The following ZFHX3 variants were observed in gnomAD, a reference collection of about 807,000 sequenced individuals.
The protein encoded by ZFHX3 is zinc finger homeobox 3.
Under a neutral mutation model 279.1 loss-of-function variants are expected in ZFHX3, and 42 were observed. That is an observed-to-expected ratio of 0.15 (90% confidence interval 0.12 to 0.19). ZFHX3 has a LOEUF of 0.19. Among genes scored for constraint, ZFHX3 ranks in the 10% least tolerant of loss-of-function variants. ZFHX3 has a pLI of 1.00. For synonymous variants in ZFHX3, 2,293 were observed against 1,957.8 expected, an observed-to-expected ratio of 1.17 and a Z score of -4.52; for missense variants, 4,981 against 4,754.0, an observed-to-expected ratio of 1.05 and a Z score of -1.40.
At chr16:73,627,674 T>C (rs1008855903) in intron 2 of ZFHX3, among the ~76,000 whole-genome samples, 2 of 152,174 alleles carry the variant, frequency 1.3e-5, no homozygotes, top group African/African-American at 4.8e-5. Flanking sequence ...ATCCCAGCAC[T>C]ATGGGAGGCC....
intron 3 of ZFHX3, among the ~76,000 whole-genome samples, chr16:73,382,251 A>G (rs1236414947): frequency 1.3e-5 from 2 of 152,254 alleles, no homozygotes; most frequent in African/African-American, 4.8e-5. Context: ...TTCAGAAGCC[A>G]TAAAAGAAAA....
At chr16:73,258,705 T>C (rs899311478) in intron 4 of ZFHX3, among the ~76,000 whole-genome samples, 4 of 152,190 alleles carry the variant, frequency 2.6e-5, no homozygotes, top group African/African-American at 9.6e-5. Flanking sequence ...TAAAGACCTA[T>C]ATATTTAGAA....
chr16:73,734,224 G>A (rs2053591372), intron 1 of ZFHX3, among the ~76,000 whole-genome samples: 1 of 152,112 alleles, frequency 6.6e-6, no homozygotes, highest in Non-Finnish European at 1.5e-5. Flanking sequence ...TTCCTAATAG[G>A]CCATGGACTA....
intron 8 of ZFHX3, among the ~76,000 whole-genome samples, chr16:73,086,970 A>T (rs1966017753): frequency 6.6e-6 from 1 of 152,138 alleles, no homozygotes; most frequent in Non-Finnish European, 1.5e-5. Context: ...AAGAACTGGA[A>T]TGCTCCCAAC....
chr16:73,493,341 A>G (rs1437060739), intron 2 of ZFHX3, among the ~76,000 whole-genome samples: 1 of 152,180 alleles, frequency 6.6e-6, no homozygotes, highest in African/African-American at 2.4e-5. Flanking sequence ...TTTTTTTTCC[A>G]GAAACTTCCA....
chr16:73,023,276 C>T (rs1332542399), intron 1 of ZFHX3, among the ~76,000 whole-genome samples: 1 of 152,178 alleles, frequency 6.6e-6, no homozygotes, highest in Non-Finnish European at 1.5e-5. Flanking sequence ...GAACAAAACA[C>T]ATCTACAGGC....
In ZFHX3 at chr16:72,793,833, C is replaced by T. The variant is rs1241554729; in HGVS notation, c.8849G>A (p.Arg2950His). 2 of 1,614,104 alleles carry T rather than the reference C, an allele frequency of 1.2e-6. No homozygotes were observed. Among genetic ancestry groups the T allele is most frequent in the South Asian group, 1.1e-5 (1 of 91,072 alleles). Residue 2950 changes from arginine (R) to histidine (H), a missense_variant, in exon 9 of 10, where the codon CGC (arginine) becomes CAC (histidine). Arg to His is a conservative substitution (Grantham distance 29, BLOSUM62 0). Coordinates refer to ENST00000268489, the MANE Select transcript of ZFHX3 (RefSeq NM_006885.4). This position sits in a 1 kb window ranked among gnomAD's most constrained non-coding sequence, Gnocchi z 4.3. Reference protein sequence around the residue: ...SGDRPGQKRFRTQMTNLQLKV... With the variant: ...SGDRPGQKRFHTQMTNLQLKV... ...CAGCTGCAGATTGGTCATTTGAGTG[C>T]GAAAACGTTTCTGCCCAGGCCGATC...
At chr16:73,395,752 G>C (rs796879726) in intron 3 of ZFHX3, among the ~76,000 whole-genome samples, 13 of 152,080 alleles carry the variant, frequency 8.5e-5, no homozygotes, top group African/African-American at 3.1e-4. Context: ...CTATAGACTT[G>C]AACCTCACCA....
chr16:73,849,046 T>G (rs75651469), intron 1 of ZFHX3, among the ~76,000 whole-genome samples: 1 of 152,372 alleles, frequency 6.6e-6, no homozygotes, highest in African/African-American at 2.4e-5. Context: ...AACTGCTGGA[T>G]GTACTCTAGC....
At chr16:73,354,429 C>G (rs534563009) in intron 3 of ZFHX3, among the ~76,000 whole-genome samples, 1 of 152,144 alleles carries the variant, frequency 6.6e-6, no homozygotes, top group Non-Finnish European at 1.5e-5. Flanking sequence ...TTTAAGTGCC[C>G]GAGTAGAATC....
intron 1 of ZFHX3, among the ~76,000 whole-genome samples, chr16:72,961,180 A>G (rs1597022078): frequency 6.6e-6 from 1 of 152,184 alleles, no homozygotes; most frequent in African/African-American, 2.4e-5. Context: ...GGTTTTTGCT[A>G]TCAAGGATCT....
intron 1 of ZFHX3, among the ~76,000 whole-genome samples, chr16:73,744,471 G>A (rs1178778956): frequency 6.6e-6 from 1 of 152,142 alleles, no homozygotes; most frequent in African/African-American, 2.4e-5. Flanking sequence ...CCTCACCCTG[G>A]TATTTCTGAA....
At chr16:73,545,011 C>T (rs550067228) in intron 2 of ZFHX3, among the ~76,000 whole-genome samples, 49 of 152,154 alleles carry the variant, frequency 3.2e-4, no homozygotes, top group African/African-American at 7.0e-4. Context: ...TGCCCACAGC[C>T]CCAGCTCCAC....
chr16:73,211,292 T>C (rs1026076889), intron 5 of ZFHX3, among the ~76,000 whole-genome samples: 3 of 152,066 alleles, frequency 2.0e-5, no homozygotes, highest in African/African-American at 7.2e-5. Flanking sequence ...TGTGGAAAAA[T>C]AGGGTTTCTG....
chr16:73,112,662 G>A (rs1030866335), intron 7 of ZFHX3, among the ~76,000 whole-genome samples: 2 of 136,762 alleles, frequency 1.5e-5, no homozygotes, highest in East Asian at 4.4e-4. Flanking sequence ...GTTGCAGTGA[G>A]CTGAGATCGC....
chr16:73,264,503 G>T (rs554405264), intron 4 of ZFHX3, among the ~76,000 whole-genome samples: 1 of 152,014 alleles, frequency 6.6e-6, no homozygotes, highest in East Asian at 1.9e-4. Context: ...TTCCCAATCA[G>T]AATCTTAGGA....
intron 2 of ZFHX3, among the ~76,000 whole-genome samples, chr16:73,622,332 G>A (rs546095357): frequency 2.6e-5 from 4 of 152,316 alleles, no homozygotes; most frequent in Admixed American, 2.6e-4. Flanking sequence ...GCTCAGGCGG[G>A]TGGATCACGA....
intron 4 of ZFHX3, among the ~76,000 whole-genome samples, chr16:73,289,212 G>A (rs1033874179): frequency 6.6e-6 from 1 of 151,682 alleles, no homozygotes; most frequent in Non-Finnish European, 1.5e-5. Context: ...GGAAAATGCC[G>A]CTGTCTGGCT....
intron 2 of ZFHX3, among the ~76,000 whole-genome samples, chr16:73,644,429 G>A (rs754911478): frequency 1.3e-5 from 2 of 152,088 alleles, no homozygotes; most frequent in East Asian, 1.9e-4. Context: ...GGAGGCAGAG[G>A]GGGGCAGATT....
Sources: allele counts gnomAD v4.1 joint callset (sites outside exome capture counted in the v4.1 genomes callset), GRCh38; gene constraint gnomAD v4.1.1; non-coding constraint Gnocchi (gnomAD v3.1); transcripts MANE v1.5; gene names NCBI Gene and HGNC (gene_info 2026-07-23, HGNC 2026-07-21).